GATA4: variants seen among roughly 807,000 people sequenced by gnomAD.
The protein encoded by GATA4 is transcription factor GATA-4.
A neutral mutation model predicts 37.9 loss-of-function variants in GATA4; 7 were observed. That is an observed-to-expected ratio of 0.18 (90% CI 0.11 to 0.35). The LOEUF (loss-of-function observed/expected upper bound fraction) is 0.35, where lower values mean the gene tolerates loss of function less well. GATA4 is among the 10% of genes least tolerant of loss of function. The pLI is 1.00. For missense variants in GATA4, 647 were observed against 653.0 expected (o/e 0.99, Z 0.10); for synonymous variants, 372 against 292.6 (o/e 1.27, Z -2.77).
intron 1 of GATA4, chr8:11,692,826 A>G: frequency 1.3e-5 from 13 of 982,244 alleles, no homozygotes; most frequent in Non-Finnish European, 1.6e-5. Flanking sequence ...CAGGCCGGGC[A>G]GAGGCGGGGG....
intron 2 of GATA4, among the ~76,000 whole-genome samples, chr8:11,738,081 T>C (rs1801545057): frequency 6.6e-6 from 1 of 150,394 alleles, no homozygotes; most frequent in East Asian, 2.0e-4. Flanking sequence ...TTGGGGAGGC[T>C]GAGGCAGGAG....
chr8:11,721,747 C>G (rs1800687875), intron 2 of GATA4, among the ~76,000 whole-genome samples: 2 of 152,204 alleles, frequency 1.3e-5, no homozygotes, highest in Non-Finnish European at 1.5e-5. Context: ...GAAGGTCAAG[C>G]ATCTTGTAAT....
intron 1 of GATA4, among the ~76,000 whole-genome samples, chr8:11,681,857 C>A (rs568842637): frequency 6.6e-6 from 1 of 152,142 alleles, no homozygotes; most frequent in Non-Finnish European, 1.5e-5. Flanking sequence ...AGGACTGCAG[C>A]TTTTCCCTGG....
In GATA4 at chr8:11,734,294, T is replaced by C. The variant is rs1283225761; in HGVS notation, c.617-14622T>C. Among the ~76,000 whole-genome samples the C allele has an allele frequency of 3.9e-5, 6 of 152,310 alleles. No homozygotes were observed. The East Asian group carries it at 9.6e-4, about 24-fold the overall frequency. On this transcript the variant is annotated intron_variant, in intron 2 of 6. Coordinates refer to ENST00000532059, the MANE Select transcript of GATA4 (RefSeq NM_001308093.3). ...CAGTAAGTGTCTTAGCCAGTTTAGG[T>C]TGCTGTAACAGAATACCATAGAATG... is the stretch of plus-strand genomic sequence containing the variant.
intron 1 of GATA4, chr8:11,697,496 G>A: frequency 1.0e-6 from 1 of 954,452 alleles, no homozygotes; most frequent in Non-Finnish European, 1.2e-6. Context: ...CAGCGCTCTC[G>A]GTGGGCACCT....
Position 11,707,643 on chromosome 8 carries a change from G to A in GATA4, c.-457-213G>A, listed in dbSNP as rs1440994560. Among the ~76,000 whole-genome samples the A allele has an allele frequency of 6.6e-6, 1 of 152,136 alleles. No homozygotes were observed. The highest frequency in any genetic ancestry group is 1.5e-5 in the Non-Finnish European group (1 of 68,016). On this transcript the variant is annotated intron_variant, in intron 1 of 6. Transcript: ENST00000532059. This position sits in a 1 kb window ranked among gnomAD's most constrained non-coding sequence, Gnocchi z 4.7. ...CCGGGAAGCCCCTGGTCCCTGGGGC[G>A]CCTCTCCCCAGGCTTGCCTGGGCCG...
At chr8:11,718,730 C>A (rs770715500) in intron 2 of GATA4, among the ~76,000 whole-genome samples, 1 of 152,234 alleles carries the variant, frequency 6.6e-6, no homozygotes, top group Non-Finnish European at 1.5e-5. Flanking sequence ...ATCTTCCTTT[C>A]TACTCCCCAG....
At chr8:11,734,839 G>A (rs892383016) in intron 2 of GATA4, among the ~76,000 whole-genome samples, 1 of 152,292 alleles carries the variant, frequency 6.6e-6, no homozygotes, top group Admixed American at 6.5e-5. Flanking sequence ...GGCTCCGTCC[G>A]ATGGCCTGTT....
At chr8:11,678,875 G>A (rs988931459) in intron 1 of GATA4, among the ~76,000 whole-genome samples, 6 of 152,150 alleles carry the variant, frequency 3.9e-5, no homozygotes, top group Admixed American at 3.9e-4. Context: ...GTTCGATTAG[G>A]GGGGAGCCTT....
rs574363905 is a variant in GATA4, at chr8:11,680,614, G to C, written c.-274+3551G>C. 3.0e-6 allele frequency: 3 copies of C among 985,366 alleles called. No individual in the cohort carries two copies. The African/African-American group carries it at 5.2e-5, about 17-fold the overall frequency. The allele number at this position is 985,366 out of a possible 1,614,324, so 61.0% of individuals were successfully genotyped here. A position where few individuals can be genotyped will look rare whatever the true frequency, so the allele number is the denominator to read the frequency against. On this transcript the variant is annotated intron_variant, in intron 1 of 6. Coordinates refer to the GATA4 transcript ENST00000528712. ...AGCCGGGTCCGAGCGGCGGTCGGTG[G>C]CGTGACCTCTTGCCACGCCTGGCGC...
intron 2 of GATA4, among the ~76,000 whole-genome samples, chr8:11,744,873 C>T (rs764148515): frequency 1.8e-4 from 27 of 152,128 alleles, no homozygotes; most frequent in Admixed American, 3.9e-4. Context: ...ACACTTTCTG[C>T]CCTAGACAAT....
chr8:11,678,060 A>AAG (rs1798840431), intron 1 of GATA4, among the ~76,000 whole-genome samples: 1 of 146,106 alleles, frequency 6.8e-6, no homozygotes, highest in African/African-American at 2.5e-5. Context: ...ATAATAATAA[A>AAG]TAGGAGTGAC....
At chr8:11,717,489 A>G (rs1259030407) in intron 2 of GATA4, among the ~76,000 whole-genome samples, 4 of 152,170 alleles carry the variant, frequency 2.6e-5, no homozygotes, top group Non-Finnish European at 4.4e-5. Context: ...AGAGCCTGTA[A>G]TCTCAGGTCC....
rs1283588028 is a variant in GATA4, at chr8:11,749,698, C to A, written c.787-413C>A. Among the ~76,000 whole-genome samples the A allele has an allele frequency of 2.6e-5, 4 of 152,184 alleles. No individual in the cohort carries two copies. Among genetic ancestry groups the A allele is most frequent in the African/African-American group, 7.2e-5 (3 of 41,444 alleles). On this transcript the variant is annotated intron_variant, in intron 3 of 6. Coordinates refer to ENST00000532059, the MANE Select transcript of GATA4 (RefSeq NM_001308093.3). This position sits in a 1 kb window ranked among gnomAD's most constrained non-coding sequence, Gnocchi z 4.6. ...CTGGTGCCTCCCTTTCTTGAGGTCC[C>A]AGGGCCATTCAGACTTTGATACCAT...
intron 2 of GATA4, among the ~76,000 whole-genome samples, chr8:11,711,075 A>C (rs1374309245): frequency 6.6e-6 from 1 of 152,256 alleles, no homozygotes; most frequent in East Asian, 1.9e-4. Flanking sequence ...ACTGCACTCC[A>C]GGCCTGGCGA....
Position 11,758,372 on chromosome 8 carries a change from G to C in GATA4, c.1229G>C (p.Gly410Ala). ...VLSALKLSPQ[G>A]YASPVSQSPQ... ...TCGGCCCTGAAGCTCTCCCCACAAG[G>C]CTATGCGTCTCCCGTCAGCCAGTCT... Residue 410 changes from glycine (G) to alanine (A), a missense_variant, in exon 7 of 7, where the codon GGC becomes GCC. Transcript: ENST00000532059. 1 of 1,614,178 alleles carries C rather than the reference G, an allele frequency of 6.2e-7. No individual in the cohort carries two copies. Among genetic ancestry groups the C allele is most frequent in the Non-Finnish European group, 8.5e-7 (1 of 1,180,022 alleles).
At position 11,759,256 on chromosome 8, in the gene GATA4, C is replaced by G. The variant is rs1019796013; in HGVS notation, c.*781C>G. 6.5e-6 allele frequency: 1 copy of G among 153,764 alleles called. No homozygotes were observed. The highest frequency in any genetic ancestry group is 2.4e-5 in the African/African-American group (1 of 41,462). The allele number at this position is 153,764 out of a possible 1,614,324, so 9.5% of individuals were successfully genotyped here. ...AGCTGGGTAGTTTAGCCAAACGGCA[C>G]CCCCTCGAGTTCACTGCAGACCCTT... On this transcript the variant is annotated 3_prime_UTR_variant, in exon 7 of 7. Transcript: ENST00000532059.
intron 1 of GATA4, among the ~76,000 whole-genome samples, chr8:11,678,796 C>T (rs1305951461): frequency 6.6e-6 from 1 of 152,138 alleles, no homozygotes; most frequent in East Asian, 1.9e-4. Context: ...TTTTTAGTGA[C>T]ATAATCATTG....
In GATA4 at chr8:11,749,135, C is replaced by T. The variant is rs773612918; in HGVS notation, c.786+50C>T. 8.2e-6 allele frequency: 13 copies of T among 1,590,976 alleles called. No homozygotes were observed. The highest frequency in any genetic ancestry group is 2.3e-5 in the East Asian group (1 of 44,368). On this transcript the variant is annotated intron_variant, in intron 3 of 6. Transcript: ENST00000532059. This position sits in a 1 kb window ranked among gnomAD's most constrained non-coding sequence, Gnocchi z 4.6. ...TCTGGGCACCTGGCTGCGGAGCTCT[C>T]GCCTTGGTGGGACATCCTCTGGTTT... is the stretch of plus-strand genomic sequence containing the variant.
Sources: allele counts gnomAD v4.1 joint callset (sites outside exome capture counted in the v4.1 genomes callset), GRCh38; gene constraint gnomAD v4.1.1; non-coding constraint Gnocchi (gnomAD v3.1); transcripts MANE v1.5; gene names NCBI Gene and HGNC (gene_info 2026-07-23, HGNC 2026-07-21).